Variants in ZNF423 observed in about 807,000 individuals in gnomAD.
The protein encoded by ZNF423 is Ebf-associated zinc finger protein.
A neutral mutation model predicts 95.8 loss-of-function variants in ZNF423; 12 were observed. The ratio of observed to expected loss-of-function variants is 0.13; its 90% confidence interval spans 0.08 to 0.20. ZNF423 has a LOEUF of 0.20. ZNF423 is among the 10% of genes least tolerant of loss of function. The probability of loss-of-function intolerance (pLI) is 1.00; values close to 1 mark genes in which losing one functional copy is unlikely to be tolerated. For missense variants in ZNF423, 1,316 were observed against 1,737.1 expected (o/e 0.76, Z 4.31); for synonymous variants, 749 against 711.9 (o/e 1.05, Z -0.83).
intron 2 of ZNF423, among the ~76,000 whole-genome samples, chr16:49,756,795 G>A (rs1010883287): frequency 2.0e-5 from 3 of 152,326 alleles, no homozygotes; most frequent in Non-Finnish European, 2.9e-5. Flanking sequence ...TGATGAGTTC[G>A]GACACTTGTG....
chr16:49,578,447 G>C (rs1399617028), intron 5 of ZNF423, among the ~76,000 whole-genome samples: 1 of 149,250 alleles, frequency 6.7e-6, no homozygotes. Context: ...TCTGCTCCAG[G>C]GAAAAACAGA....
chr16:49,606,493 A>G (rs1423908084), intron 5 of ZNF423, among the ~76,000 whole-genome samples: 1 of 152,186 alleles, frequency 6.6e-6, no homozygotes, highest in Non-Finnish European at 1.5e-5. Context: ...CACCAACCTG[A>G]ATTATCCCAG....
At chr16:49,843,707 G>A (rs959278036) in intron 1 of ZNF423, among the ~76,000 whole-genome samples, 5 of 152,116 alleles carry the variant, frequency 3.3e-5, no homozygotes, top group Admixed American at 6.5e-5. Flanking sequence ...CAGACCTTCA[G>A]GGAGAATGGG....
intron 7 of ZNF423, among the ~76,000 whole-genome samples, chr16:49,497,495 T>A (rs905054889): frequency 6.6e-6 from 1 of 152,130 alleles, no homozygotes; most frequent in South Asian, 2.1e-4. Flanking sequence ...CCCTATAGCA[T>A]ATGAAGGCAC....
chr16:49,586,638 G>A (rs1436825171), intron 5 of ZNF423, among the ~76,000 whole-genome samples: 4 of 152,254 alleles, frequency 2.6e-5, no homozygotes, highest in African/African-American at 7.2e-5. Context: ...CCAGCTGTCT[G>A]CGAATGTGGC....
intron 3 of ZNF423, among the ~76,000 whole-genome samples, chr16:49,696,770 A>C (rs1320189298): frequency 6.7e-6 from 1 of 148,440 alleles, no homozygotes; most frequent in Non-Finnish European, 1.5e-5. Context: ...AGCCCCCCCC[A>C]CCCAGGGTGG....
At chr16:49,823,613 C>T (rs540950406) in intron 1 of ZNF423, among the ~76,000 whole-genome samples, 6 of 151,226 alleles carry the variant, frequency 4.0e-5, no homozygotes, top group South Asian at 4.2e-4. Context: ...TGCAACATTC[C>T]GAAAGGGAAA....
At chr16:49,703,048 A>G (rs994061394) in intron 3 of ZNF423, among the ~76,000 whole-genome samples, 3 of 152,208 alleles carry the variant, frequency 2.0e-5, no homozygotes, top group Admixed American at 2.0e-4. Context: ...TGATACGAAC[A>G]CATGCACCAA....
At chr16:49,593,434 C>CA (rs879826593) in intron 5 of ZNF423, among the ~76,000 whole-genome samples, 2,777 of 143,850 alleles carry the variant, frequency 0.019, 87 homozygotes, top group African/African-American at 0.064. Flanking sequence ...GACCTTGTCT[C>CA]AAAAAAAAAA....
At chr16:49,611,192 A>G (rs1971708741) in intron 5 of ZNF423, among the ~76,000 whole-genome samples, 1 of 152,078 alleles carries the variant, frequency 6.6e-6, no homozygotes, top group African/African-American at 2.4e-5. Context: ...CCCAACAATA[A>G]CAGAATGCAC....
At chr16:49,747,965 G>A (rs1462414627) in intron 2 of ZNF423, among the ~76,000 whole-genome samples, 2 of 152,246 alleles carry the variant, frequency 1.3e-5, no homozygotes, top group African/African-American at 4.8e-5. Flanking sequence ...TGGTACTGAG[G>A]TGCACAGTGG....
At chr16:49,537,093 G>A (rs1270698151) in intron 5 of ZNF423, among the ~76,000 whole-genome samples, 10 of 152,216 alleles carry the variant, frequency 6.6e-5, no homozygotes, top group Non-Finnish European at 1.5e-4. Flanking sequence ...CTTCTCCAAC[G>A]TTCAACATAA....
At chr16:49,514,264 G>A (rs974982151) in intron 7 of ZNF423, among the ~76,000 whole-genome samples, 1 of 96,382 alleles carries the variant, frequency 1.0e-5, no homozygotes, top group Non-Finnish European at 2.2e-5. Context: ...ACACACACAT[G>A]CACATACACA....
intron 3 of ZNF423, among the ~76,000 whole-genome samples, chr16:49,721,532 G>A (rs541269605): frequency 3.0e-4 from 45 of 152,110 alleles, no homozygotes; most frequent in Non-Finnish European, 5.7e-4. Flanking sequence ...TTTGGCTGCT[G>A]CCAGGAAGGT....
chr16:49,724,620 C>T (rs556120753), intron 3 of ZNF423, among the ~76,000 whole-genome samples: 47 of 152,334 alleles, frequency 3.1e-4, no homozygotes, highest in African/African-American at 9.9e-4. Context: ...GCTGGCCAGC[C>T]GGCCGACAGC....
rs2030479003 is a variant in ZNF423, at chr16:49,665,217, T to C, written c.302-26343A>G. ...TTGGTGGGTAGCGGCATTCAGTAAA[T>C]ATAGATGTCACCCACACATCCTTTC... On this transcript the variant is annotated intron_variant, in intron 3 of 7. Coordinates refer to ENST00000563137, the MANE Select transcript of ZNF423 (RefSeq NM_001379286.1). Among the ~76,000 whole-genome samples the C allele has an allele frequency of 1.3e-5, 2 of 152,210 alleles. 1 individual carries two copies. The highest frequency in any genetic ancestry group is 4.1e-4 in the South Asian group (2 of 4,834).
In ZNF423 at chr16:49,493,460, G is replaced by T. The variant is rs531344591; in HGVS notation, c.3850-2156C>A. Among the ~76,000 whole-genome samples, 13 of 152,272 alleles carry T rather than the reference G, an allele frequency of 8.5e-5. No homozygotes were observed. The East Asian group carries it at 1.9e-3, about 23-fold the overall frequency. On this transcript the variant is annotated intron_variant, in intron 7 of 7. Coordinates refer to ENST00000563137, the MANE Select transcript of ZNF423 (RefSeq NM_001379286.1). ...TGCACTGTCCTGACCATACGCCTGGGCCTCCAATCCCCAGCAGGCACAGCT... is the reference window on the plus strand; with the variant it reads ...TGCACTGTCCTGACCATACGCCTGGTCCTCCAATCCCCAGCAGGCACAGCT...
At chr16:49,556,021 T>C (rs1388984528) in intron 5 of ZNF423, among the ~76,000 whole-genome samples, 1 of 152,122 alleles carries the variant, frequency 6.6e-6, no homozygotes, top group Non-Finnish European at 1.5e-5. Flanking sequence ...TACAATAACA[T>C]GAGAACCACA....
chr16:49,653,098 C>T (rs1413377843), intron 3 of ZNF423, among the ~76,000 whole-genome samples: 1 of 152,082 alleles, frequency 6.6e-6, no homozygotes, highest in African/African-American at 2.4e-5. Context: ...ATATTTAACG[C>T]GGCATTGGAT....
Sources: gnomAD v4.1 joint callset for allele counts (sites outside exome capture counted in the v4.1 genomes callset) on GRCh38, gnomAD v4.1.1 for gene constraint, MANE v1.5 for transcripts, NCBI Gene and HGNC (gene_info 2026-07-23, HGNC 2026-07-21) for gene names.